The following CMKLR2 variants were observed in gnomAD, a reference collection of about 807,000 sequenced individuals.
CMKLR2 encodes the protein chemerin-like receptor 2.
Under a neutral mutation model 23.0 loss-of-function variants are expected in CMKLR2, and 18 were observed. The ratio of observed to expected loss-of-function variants is 0.78; its 90% confidence interval spans 0.54 to 1.16. The LOEUF is 1.16. CMKLR2 is among the 50% of genes most tolerant of loss of function. CMKLR2 has a pLI of 0.00. For synonymous variants in CMKLR2, 158 were observed against 158.9 expected (o/e 0.99, Z 0.05); for missense variants, 401 against 412.7 (o/e 0.97, Z 0.25).
chr2:206,197,279 A>AT (rs1306154991), intron 1 of CMKLR2, among the ~76,000 whole-genome samples: 5 of 152,070 alleles, frequency 3.3e-5, no homozygotes, highest in African/African-American at 1.2e-4. Context: ...TTGGTGACCT[A>AT]TAGGACTCCT....
intron 1 of CMKLR2, among the ~76,000 whole-genome samples, chr2:206,203,001 C>T (rs1473178948): frequency 6.6e-6 from 1 of 151,834 alleles, no homozygotes; most frequent in African/African-American, 2.4e-5. Flanking sequence ...TTTGTAGGCA[C>T]AAACTTGAAC....
chr2:206,185,985 T>C (rs573990651), intron 1 of CMKLR2, among the ~76,000 whole-genome samples: 1 of 152,286 alleles, frequency 6.6e-6, no homozygotes, highest in South Asian at 2.1e-4. Context: ...TTTGGACCCC[T>C]GGGTGACCTC....
At chr2:206,210,156 G>T (rs1303566561) in intron 1 of CMKLR2, among the ~76,000 whole-genome samples, 2 of 151,728 alleles carry the variant, frequency 1.3e-5, no homozygotes, top group East Asian at 3.9e-4. Context: ...TAGAGACGGG[G>T]TTTCACCATG....
At chr2:206,200,859 T>C (rs1015365898) in intron 1 of CMKLR2, among the ~76,000 whole-genome samples, 1 of 152,264 alleles carries the variant, frequency 6.6e-6, no homozygotes, top group East Asian at 1.9e-4. Context: ...TTAGAATAAT[T>C]TCTGTATCTT....
chr2:206,201,044 T>G (rs1425611005), intron 1 of CMKLR2, among the ~76,000 whole-genome samples: 1 of 152,172 alleles, frequency 6.6e-6, no homozygotes, highest in African/African-American at 2.4e-5. Context: ...TTCAAACTCC[T>G]GGACTCAAGG....
chr2:206,192,311 T>A (rs1020230571), intron 1 of CMKLR2, among the ~76,000 whole-genome samples: 17 of 149,888 alleles, frequency 1.1e-4, no homozygotes, highest in Admixed American at 6.6e-4. Context: ...TATTTATTTT[T>A]TTTTTATTTT....
rs552486958 is a variant in CMKLR2, at chr2:206,208,934, G to C, written c.-29+4373C>G. On this transcript the variant is annotated intron_variant, in intron 1 of 1. Transcript: ENST00000621141. Reference sequence around the variant, plus strand: ...AATCCTCCCATCTTGGCCACCCAAAGTGTTGGGACTACAGGTGTGGGCCAT... The same window carrying C: ...AATCCTCCCATCTTGGCCACCCAAACTGTTGGGACTACAGGTGTGGGCCAT... 2.6e-5 allele frequency among the ~76,000 whole-genome samples: 4 copies of C among 152,330 alleles called. No homozygotes were observed. In the East Asian group the frequency reaches 7.7e-4, roughly 29 times the overall value.
At position 206,189,409 on chromosome 2, in the gene CMKLR2, C is replaced by G. The variant is rs891736178; in HGVS notation, c.-28-12134G>C. 2.6e-5 allele frequency among the ~76,000 whole-genome samples: 4 copies of G among 152,120 alleles called. 1 individual carries two copies. The highest frequency in any genetic ancestry group is 9.7e-5 in the African/African-American group (4 of 41,420). ...CAGCACTTTGAGAGGCTGAGGCAGG[C>G]AGATCACTTGAGGTCAGGAGTTCAA... On this transcript the variant is annotated intron_variant, in intron 1 of 1. Transcript: ENST00000621141.
chr2:206,209,947 C>T (rs1283835032), intron 1 of CMKLR2, among the ~76,000 whole-genome samples: 7 of 150,308 alleles, frequency 4.7e-5, no homozygotes, highest in Admixed American at 1.3e-4. Context: ...TGCGCCCGGC[C>T]CTTTTCTTTC....
intron 1 of CMKLR2, among the ~76,000 whole-genome samples, chr2:206,206,814 G>A (rs1689339056): frequency 6.6e-6 from 1 of 151,892 alleles, no homozygotes; most frequent in Non-Finnish European, 1.5e-5. Context: ...GGGCATCTTG[G>A]AAATAACTAT....
chr2:206,192,388 T>A (rs1275936493), intron 1 of CMKLR2, among the ~76,000 whole-genome samples: 1 of 149,326 alleles, frequency 6.7e-6, no homozygotes, highest in East Asian at 1.9e-4. Flanking sequence ...ATTTTATTAT[T>A]TTTTATTTTT....
At chr2:206,187,731 AC>A (rs774795789) in intron 1 of CMKLR2, among the ~76,000 whole-genome samples, 39 of 152,188 alleles carry the variant, frequency 2.6e-4, no homozygotes, top group Non-Finnish European at 5.0e-4. Flanking sequence ...AAACATAGAT[AC>A]ATGCACACAC....
At chr2:206,180,400 C>T (rs1232398759) in intron 1 of CMKLR2, among the ~76,000 whole-genome samples, 5 of 151,348 alleles carry the variant, frequency 3.3e-5, no homozygotes, top group Non-Finnish European at 7.4e-5. Flanking sequence ...TGCCTAGAGG[C>T]GCTGACCCCA....
chr2:206,202,328 T>C (rs1241331762), intron 1 of CMKLR2, among the ~76,000 whole-genome samples: 1 of 152,140 alleles, frequency 6.6e-6, no homozygotes, highest in Non-Finnish European at 1.5e-5. Context: ...TTTGAAGGGA[T>C]GGGGTGACAT....
Position 206,176,715 on chromosome 2 carries a change from G to C in CMKLR2, c.533C>G (p.Thr178Ser), listed in dbSNP as rs1688229018. 6.2e-7 allele frequency: 1 copy of C among 1,614,178 alleles called. No individual in the cohort carries two copies. Among genetic ancestry groups the C allele is most frequent in the East Asian group, 2.2e-5 (1 of 44,884 alleles). Residue 178 changes from threonine (T) to serine (S), a missense_variant, in exon 2 of 2, where the codon ACT becomes AGT. Transcript: ENST00000621141. ...IGGPALYFRDTVEFNNHTLCY... is the reference protein window; with the variant it reads ...IGGPALYFRDSVEFNNHTLCY... ...AAGAGTATGATTATTGAACTCCACAGTGTCCCGGAAGTACAGGGCAGGACC... is the reference window on the plus strand; with the variant it reads ...AAGAGTATGATTATTGAACTCCACACTGTCCCGGAAGTACAGGGCAGGACC...
chr2:206,196,863 G>A (rs1410556985), intron 1 of CMKLR2, among the ~76,000 whole-genome samples: 1 of 152,128 alleles, frequency 6.6e-6, no homozygotes, highest in Non-Finnish European at 1.5e-5. Flanking sequence ...CTGGCAGCTG[G>A]ATTCTGAGGA....
At position 206,177,284 on chromosome 2, in the gene CMKLR2, G is replaced by A; in HGVS notation, c.-28-9C>T. Reference sequence around the variant, plus strand: ...ATGGAGAATGAAGAAATCTGTAGAAGCAAATTTAAAAAGAAAGAAAAAATT... The same window carrying A: ...ATGGAGAATGAAGAAATCTGTAGAAACAAATTTAAAAAGAAAGAAAAAATT... On this transcript the variant is annotated splice_polypyrimidine_tract_variant and intron_variant, in intron 1 of 1. Transcript: ENST00000621141. 3.9e-6 allele frequency: 5 copies of A among 1,298,676 alleles called. No homozygotes were observed. Among genetic ancestry groups the A allele is most frequent in the South Asian group, 1.5e-5 (1 of 65,768 alleles). 80.4% of individuals were successfully genotyped at this position (1,298,676 alleles called of 1,614,324 possible). A position where few individuals can be genotyped will look rare whatever the true frequency, so the allele number is the denominator to read the frequency against.
chr2:206,185,692 A>G (rs572437933), intron 1 of CMKLR2, among the ~76,000 whole-genome samples: 6 of 152,308 alleles, frequency 3.9e-5, no homozygotes, highest in African/African-American at 1.2e-4. Flanking sequence ...ACCAGATAGA[A>G]AATTATTGCA....
chr2:206,217,138 A>G (rs1574337496), upstream of CMKLR2, among the ~76,000 whole-genome samples: 1 of 152,254 alleles, frequency 6.6e-6, no homozygotes, highest in Non-Finnish European at 1.5e-5. Context: ...AGAGAGATAT[A>G]CAAAAGGACA....
Sources: allele counts gnomAD v4.1 joint callset (sites outside exome capture counted in the v4.1 genomes callset), GRCh38; gene constraint gnomAD v4.1.1; transcripts MANE v1.5; gene names NCBI Gene and HGNC (gene_info 2026-07-23, HGNC 2026-07-21).